Variants in GAS2L2 observed in about 807,000 individuals in gnomAD.
GAS2L2 encodes growth arrest specific 2 like 2.
Under a neutral mutation model 35.2 loss-of-function variants are expected in GAS2L2, and 21 were observed. That is an observed-to-expected ratio of 0.60 (90% CI 0.42 to 0.86). GAS2L2 has a LOEUF of 0.86. Among genes scored for constraint, GAS2L2 ranks in the 40% least tolerant of loss-of-function variants. The probability of loss-of-function intolerance (pLI) is 0.00; values close to 1 mark genes in which losing one functional copy is unlikely to be tolerated. For missense variants in GAS2L2, 1,169 were observed against 1,144.4 expected, an observed-to-expected ratio of 1.02 and a Z score of -0.31; for synonymous variants, 490 against 473.2, an observed-to-expected ratio of 1.04 and a Z score of -0.46.
rs1395861426 is a variant in GAS2L2 at position 35,746,387 on chromosome 17, T to C, written c.1110A>G (p.Pro370=). 8.2e-6 allele frequency: 11 copies of C among 1,345,322 alleles called. No homozygotes were observed. The highest frequency in any genetic ancestry group is 9.6e-6 in the Non-Finnish European group (10 of 1,040,192). The allele number at this position is 1,345,322 out of a possible 1,614,324, so 83.3% of individuals were successfully genotyped here. The part of the protein sequence containing the change: ...FLRCQERSLI[P]SWRQPTAGDS... ...CCCCAGCTGTCGGCTGCCTCCAAGA[T>C]GGGATGAGAGACCTCTCCTGGCACC... The change falls in exon 6 of 6, where the codon CCA becomes CCG. Residue 370 remains proline, a synonymous_variant. Coordinates refer to ENST00000604641, the MANE Select transcript of GAS2L2 (RefSeq NM_139285.4).
Position 35,744,883 on chromosome 17 carries a change from G to A in GAS2L2, c.2614C>T (p.Leu872Phe). 1 of 1,601,782 alleles carries A rather than the reference G, an allele frequency of 6.2e-7. No homozygotes were observed. Among genetic ancestry groups the A allele is most frequent in the African/African-American group, 1.3e-5 (1 of 74,812 alleles). ...LQPHWLNQAPLPPEEESWV is the reference protein window; with the variant it reads ...LQPHWLNQAPFPPEEESWV ...ACCCAGGACTCCTCCTCAGGTGGAA[G>A]TGGAGCTTGATTAAGCCAGTGAGGT... Residue 872 changes from leucine to phenylalanine, a missense_variant, in exon 6 of 6, where the codon CTT (leucine) becomes TTT (phenylalanine). Leu to Phe is a conservative substitution (Grantham distance 22). Around this residue, in one of 3 missense-constraint regions of GAS2L2, gnomAD observed 1,035 missense variants for 976.5 expected, o/e 1.06. Transcript: ENST00000604641.
At position 35,745,149 on chromosome 17, in the gene GAS2L2, C is replaced by CGG; in HGVS notation, c.2346_2347dup (p.Arg783ProfsTer35). The CGG allele has an allele frequency of 3.7e-6, 6 of 1,613,012 alleles. No homozygotes were observed. The highest frequency in any genetic ancestry group is 5.1e-6 in the Non-Finnish European group (6 of 1,179,234). On this transcript the variant is annotated frameshift_variant, in exon 6 of 6. Transcript: ENST00000604641. LOFTEE classifies it low-confidence loss of function (END_TRUNC). ...CTGCTTCTCAGGCCTGTGGTCTCTC[C>CGG]GGGGCCGAATCCTGGGTCTCAGCTT... is the stretch of plus-strand genomic sequence containing the variant.
chr17:35,748,135 G>A lies in GAS2L2; in HGVS notation c.736-190C>T, dbSNP rs587696804. The stretch of plus-strand genomic sequence containing the variant: ...ATGACTGGCATCAGATAACACATGC[G>A]GTCAAGGTGGGAGCCAGGCTGAAAG... On this transcript the variant is annotated intron_variant, in intron 3 of 5. Transcript: ENST00000604641. 5.3e-5 allele frequency among the ~76,000 whole-genome samples: 8 copies of A among 152,306 alleles called. No homozygotes were observed. The East Asian group carries it at 7.7e-4, about 15-fold the overall frequency.
chr17:35,748,777 TGAGAACATGCTCTA>T (rs2143021947), intron 3 of GAS2L2, among the ~76,000 whole-genome samples: 2 of 152,202 alleles, frequency 1.3e-5, no homozygotes, highest in East Asian at 3.9e-4. Flanking sequence ...CCACTCTGCC[TGAGAACATGCTCTA>T]GATTAGGCTA....
chr17:35,750,128 C>A lies in GAS2L2; in HGVS notation c.576G>T (p.Pro192=), dbSNP rs917428094. 1.3e-6 allele frequency: 2 copies of A among 1,598,270 alleles called. No homozygotes were observed. Among genetic ancestry groups the A allele is most frequent in the Non-Finnish European group, 1.7e-6 (2 of 1,175,402 alleles). Residue 192 remains proline (P), a synonymous_variant, in exon 2 of 6, where the codon CCG becomes CCT. Transcript: ENST00000604641. ...ELALPPPDPS[P]PAPPRRQPCH... is the part of the protein sequence containing the mutation. ...AGGGCTGGCGCCTGGGGGGCGCTGGCGGCGAGGGGTCGGGCGGGGGCAGGG... is the reference window on the plus strand; with the variant it reads ...AGGGCTGGCGCCTGGGGGGCGCTGGAGGCGAGGGGTCGGGCGGGGGCAGGG...
chr17:35,752,772 T>G lies in GAS2L2; in HGVS notation c.79A>C (p.Ser27Arg). The G allele has an allele frequency of 6.2e-7, 1 of 1,613,812 alleles. No individual in the cohort carries two copies. Among genetic ancestry groups the G allele is most frequent in the Non-Finnish European group, 8.5e-7 (1 of 1,180,016 alleles). ...TTCATGGCCTCCAGGTACTGCTCAC[T>G]CGACTTGAAAGGCCGGATACTGCAC... ...PVCSIRPFKS[S>R]EQYLEAMKED... is the part of the protein sequence containing the mutation. Residue 27 changes from serine to arginine, a missense_variant, in exon 1 of 6, where the codon AGT becomes CGT. Ser to Arg is a moderately radical substitution (Grantham distance 110, BLOSUM62 -1). Coordinates refer to ENST00000604641, the MANE Select transcript of GAS2L2 (RefSeq NM_139285.4).
chr17:35,746,506 C>A, intron 5 of GAS2L2, 95 bp from the exon 6 acceptor site: 1 of 786,598 alleles, frequency 1.3e-6, no homozygotes, highest in East Asian at 3.0e-5. Context: ...ACAGTCTTTC[C>A]CCAGTGAGAA....
At position 35,750,058 on chromosome 17, in the gene GAS2L2, C is replaced by G. The variant is rs1161982291; in HGVS notation, c.627+19G>C. On this transcript the variant is annotated intron_variant, in intron 2 of 5. Coordinates refer to ENST00000604641, the MANE Select transcript of GAS2L2 (RefSeq NM_139285.4). ...GACAAAGGGAAGGGGGCCCTGAGGG[C>G]GTGTGCAGAGCCCCTCACCATCTGG... The G allele has an allele frequency of 1.3e-6, 2 of 1,599,870 alleles. No individual in the cohort carries two copies. The highest frequency in any genetic ancestry group is 2.2e-5 in the South Asian group (2 of 90,018).
intron 1 of GAS2L2, among the ~76,000 whole-genome samples, chr17:35,751,318 C>T (rs2085701880): frequency 6.6e-6 from 1 of 152,148 alleles, no homozygotes; most frequent in African/African-American, 2.4e-5. Context: ...TGCGCCTTTG[C>T]CCCTGTCATC....
Position 35,752,735 on chromosome 17 carries a change from G to T in GAS2L2, c.116C>A (p.Ala39Asp). Residue 39 changes from alanine to aspartate, a missense_variant, in exon 1 of 6, where the codon GCT becomes GAT. This residue lies in a region of GAS2L2 where 127 missense variants were observed against 146.1 expected (regional missense o/e 0.87). Coordinates refer to ENST00000604641, the MANE Select transcript of GAS2L2 (RefSeq NM_139285.4). ...CCCATAGAGGTCGCGAAGCCACTCA[G>T]CCAGGTCTTCCTTCATGGCCTCCAG... Reference protein sequence around the residue: ...QYLEAMKEDLAEWLRDLYGLD... With the variant: ...QYLEAMKEDLDEWLRDLYGLD... The T allele has an allele frequency of 2.5e-6, 4 of 1,614,002 alleles. No homozygotes were observed. The highest frequency in any genetic ancestry group is 3.4e-6 in the Non-Finnish European group (4 of 1,180,044).
Position 35,745,122 on chromosome 17 carries a change from G to A in GAS2L2, c.2375C>T (p.Pro792Leu). 6.2e-7 allele frequency: 1 copy of A among 1,613,452 alleles called. No individual in the cohort carries two copies. Among genetic ancestry groups the A allele is most frequent in the Non-Finnish European group, 8.5e-7 (1 of 1,179,644 alleles). ...PRRDHRPEKQ[P>L]SRIPRPLAYV... ...GGCCAGTGGCCTGGGGATTCGTGAA[G>A]GCTGCTTCTCAGGCCTGTGGTCTCT... Residue 792 changes from proline to leucine, a missense_variant, in exon 6 of 6, where the codon CCT (proline) becomes CTT (leucine). Around this residue, in one of 3 missense-constraint regions of GAS2L2, gnomAD observed 1,035 missense variants for 976.5 expected, o/e 1.06. Transcript: ENST00000604641.
In GAS2L2 at chr17:35,752,881, A is replaced by C. The variant is rs1598397471; in HGVS notation, c.-31T>G. On this transcript the variant is annotated 5_prime_UTR_variant, in exon 1 of 6. Transcript: ENST00000604641. Reference sequence around the variant, plus strand: ...GACCCCAGCAGGGCAGGAGGTGGGCACCTCCCCTCTCCCACTGCCGCCTCT... The same window carrying C: ...GACCCCAGCAGGGCAGGAGGTGGGCCCCTCCCCTCTCCCACTGCCGCCTCT... 3 of 1,536,650 alleles carry C rather than the reference A, an allele frequency of 2.0e-6. No individual in the cohort carries two copies. Among genetic ancestry groups the C allele is most frequent in the Non-Finnish European group, 1.8e-6 (2 of 1,139,242 alleles).
rs2085658049 is a variant in GAS2L2 at position 35,745,335 on chromosome 17, G to A, written c.2162C>T (p.Pro721Leu). 1 of 1,608,930 alleles carries A rather than the reference G, an allele frequency of 6.2e-7. No individual in the cohort carries two copies. The highest frequency in any genetic ancestry group is 2.2e-5 in the East Asian group (1 of 44,790). ...AGCCGAGCAGTCCTGCCCTCCCTGA[G>A]GTGGGACCTTCCTCATGTGGGTGCC... ...AKGTHMRKVP[P>L]QGGQDCSAST... The change falls in exon 6 of 6, where the codon CCT (proline) becomes CTT (leucine). Residue 721 changes from proline to leucine, a missense_variant. Coordinates refer to ENST00000604641, the MANE Select transcript of GAS2L2 (RefSeq NM_139285.4).
chr17:35,746,907 G>A (rs587733822), intron 5 of GAS2L2, 109 bp downstream of exon 5: 21 of 1,151,108 alleles, frequency 1.8e-5, no homozygotes, highest in Middle Eastern at 4.4e-4. Context: ...CTGTGGTCTC[G>A]GGGTAGAGGC....
chr17:35,751,844 C>CTTT (rs2085705179), intron 1 of GAS2L2, among the ~76,000 whole-genome samples: 1 of 137,980 alleles, frequency 7.2e-6, no homozygotes, highest in African/African-American at 2.9e-5. Context: ...CTCTCTCTCT[C>CTTT]TCTCTTTTTT....
intron 5 of GAS2L2, 134 bp downstream of exon 5, chr17:35,746,882 T>A (rs2085671616): frequency 1.2e-6 from 1 of 852,710 alleles, no homozygotes. Context: ...CTGGGTATGC[T>A]TCTGGTTCCA....
Position 35,746,071 on chromosome 17 carries a change from C to G in GAS2L2, c.1426G>C (p.Asp476His). ...ECLGLRLPLR[D>H]EAKGAFFQFR... Reference sequence around the variant, plus strand: ...TGGAAGAACGCACCCTTGGCCTCATCCCGGAGTGGCAGCCTGAGGCCCAGG... The same window carrying G: ...TGGAAGAACGCACCCTTGGCCTCATGCCGGAGTGGCAGCCTGAGGCCCAGG... The change falls in exon 6 of 6, where the codon GAT becomes CAT. Residue 476 changes from aspartate (D) to histidine (H), a missense_variant. By Grantham distance (81) the Asp-to-His change is moderately conservative. Around this residue, in one of 3 missense-constraint regions of GAS2L2, gnomAD observed 1,035 missense variants for 976.5 expected, o/e 1.06. Coordinates refer to ENST00000604641, the MANE Select transcript of GAS2L2 (RefSeq NM_139285.4). 1 of 1,521,262 alleles carries G rather than the reference C, an allele frequency of 6.6e-7. No individual in the cohort carries two copies. The highest frequency in any genetic ancestry group is 8.8e-7 in the Non-Finnish European group (1 of 1,134,916). The allele number at this position is 1,521,262 out of a possible 1,614,324, so 94.2% of individuals were successfully genotyped here.
In GAS2L2 at chr17:35,752,530, G is replaced by T; in HGVS notation, c.321C>A (p.Thr107=). 6.2e-7 allele frequency: 1 copy of T among 1,611,606 alleles called. No individual in the cohort carries two copies. Among genetic ancestry groups the T allele is most frequent in the African/African-American group, 1.3e-5 (1 of 75,018 alleles). The change falls in exon 1 of 6, where the codon ACC becomes ACA. Residue 107 remains threonine (T), a synonymous_variant. Coordinates refer to ENST00000604641, the MANE Select transcript of GAS2L2 (RefSeq NM_139285.4). ...VSCNGAAQPG[T]FQARDNVSNF... is the part of the protein sequence containing the mutation. Reference sequence around the variant, plus strand: ...TAGAGACATTGTCCCTGGCCTGGAAGGTACCTGGCTGGGCGGCCCCATTGC... The same window carrying T: ...TAGAGACATTGTCCCTGGCCTGGAATGTACCTGGCTGGGCGGCCCCATTGC...
chr17:35,745,338 G>T lies in GAS2L2; in HGVS notation c.2159C>A (p.Pro720Gln), dbSNP rs1555598717. 1 of 1,608,222 alleles carries T rather than the reference G, an allele frequency of 6.2e-7. No homozygotes were observed. The highest frequency in any genetic ancestry group is 8.5e-7 in the Non-Finnish European group (1 of 1,176,532). The change falls in exon 6 of 6, where the codon CCA becomes CAA. Residue 720 changes from proline (P) to glutamine (Q), a missense_variant. Transcript: ENST00000604641. ...CGAGCAGTCCTGCCCTCCCTGAGGT[G>T]GGACCTTCCTCATGTGGGTGCCCTT... The part of the protein sequence containing the change: ...SAKGTHMRKV[P>Q]PQGGQDCSAS...
Sources: allele counts gnomAD v4.1 joint callset (sites outside exome capture counted in the v4.1 genomes callset), GRCh38; gene constraint gnomAD v4.1.1; regional missense constraint gnomAD v4.1.1; transcripts MANE v1.5; gene names NCBI Gene and HGNC (gene_info 2026-07-23, HGNC 2026-07-21).